Variants in FTO observed in about 807,000 individuals in gnomAD.
The protein encoded by FTO is FTO alpha-ketoglutarate dependent dioxygenase, also known as alpha-ketoglutarate-dependent dioxygenase FTO.
FTO carries 47 observed loss-of-function variants against 63.9 expected under a neutral mutation model. The observed-to-expected ratio is 0.74, with a 90% CI of 0.58 to 0.94. The LOEUF is 0.94. Among genes scored for constraint, FTO ranks in the 40% least tolerant of loss-of-function variants. The pLI is 0.00. For synonymous variants in FTO, 207 were observed against 224.4 expected (o/e 0.92, Z 0.69); for missense variants, 562 against 618.1 (o/e 0.91, Z 0.96).
At chr16:53,805,418 T>C (rs560439863) in intron 1 of FTO, among the ~76,000 whole-genome samples, 16 of 151,614 alleles carry the variant, frequency 1.1e-4, no homozygotes, top group African/African-American at 3.4e-4. Flanking sequence ...TATCTAACTT[T>C]AAACCCTTAT....
At chr16:53,782,708 T>C (rs2077619436) in intron 1 of FTO, among the ~76,000 whole-genome samples, 1 of 152,250 alleles carries the variant, frequency 6.6e-6, no homozygotes, top group Non-Finnish European at 1.5e-5. Context: ...CTTCAGCTCC[T>C]CAGAAGCCAG....
At chr16:54,010,595 G>C (rs2084312163) in intron 8 of FTO, among the ~76,000 whole-genome samples, 1 of 151,804 alleles carries the variant, frequency 6.6e-6, no homozygotes, top group South Asian at 2.1e-4. Flanking sequence ...CAGTCCTATT[G>C]ACATCAACGT....
chr16:53,799,161 G>C (rs1335447713), intron 1 of FTO, among the ~76,000 whole-genome samples: 1 of 152,106 alleles, frequency 6.6e-6, no homozygotes, highest in East Asian at 1.9e-4. Context: ...TTATATGCAT[G>C]AGGGATATTG....
At chr16:53,741,153 A>G (rs113790635) in intron 1 of FTO, among the ~76,000 whole-genome samples, 1,685 of 152,352 alleles carry the variant, frequency 0.011, 29 homozygotes, top group East Asian at 0.04. Flanking sequence ...TTTACATATT[A>G]TCTAGACTGC....
intron 1 of FTO, among the ~76,000 whole-genome samples, chr16:53,747,316 G>T (rs2076673011): frequency 6.6e-6 from 1 of 152,136 alleles, no homozygotes; most frequent in Non-Finnish European, 1.5e-5. Context: ...CCAACAGATT[G>T]CAGGGGTTCC....
At chr16:54,085,268 T>A (rs1184198007) in intron 8 of FTO, among the ~76,000 whole-genome samples, 1 of 152,198 alleles carries the variant, frequency 6.6e-6, no homozygotes, top group African/African-American at 2.4e-5. Flanking sequence ...CCAATTATTC[T>A]TTTGGCTGTG....
At chr16:53,848,893 T>C (rs1283370598) in intron 4 of FTO, among the ~76,000 whole-genome samples, 1 of 152,186 alleles carries the variant, frequency 6.6e-6, no homozygotes, top group East Asian at 1.9e-4. Context: ...ATTCTTTACA[T>C]GTCACCATTC....
chr16:53,740,246 A>G (rs1027903551), intron 1 of FTO, among the ~76,000 whole-genome samples: 7 of 152,146 alleles, frequency 4.6e-5, no homozygotes, highest in Non-Finnish European at 8.8e-5. Context: ...AAAGCTGAAT[A>G]TTACATGTGT....
intron 7 of FTO, among the ~76,000 whole-genome samples, chr16:53,926,172 C>T (rs954459229): frequency 2.0e-5 from 3 of 152,164 alleles, no homozygotes; most frequent in Non-Finnish European, 2.9e-5. Flanking sequence ...CACGTCCATC[C>T]AAATGAGTAT....
In FTO at chr16:54,002,786, T is replaced by C. The variant is rs138444452; in HGVS notation, c.1364+68677T>C. 6.4e-3 allele frequency among the ~76,000 whole-genome samples: 981 copies of C among 152,288 alleles called. 15 individuals are homozygous for C. The highest frequency in any genetic ancestry group is 0.022 in the African/African-American group (907 of 41,564). Reference sequence around the variant, plus strand: ...AAGTGTTGATGAGGATAGAGAAAAATTGGAGCCCTCATACATTACTAGTGA... The same window carrying C: ...AAGTGTTGATGAGGATAGAGAAAAACTGGAGCCCTCATACATTACTAGTGA... On this transcript the variant is annotated intron_variant, in intron 8 of 8. Transcript: ENST00000471389.
intron 2 of FTO, among the ~76,000 whole-genome samples, chr16:53,824,579 G>T (rs928569591): frequency 2.6e-5 from 4 of 152,068 alleles, no homozygotes; most frequent in African/African-American, 9.7e-5. Context: ...GTTTCCATCT[G>T]GTGGTAGGTG....
chr16:53,770,485 A>T (rs2077309110), intron 1 of FTO, among the ~76,000 whole-genome samples: 1 of 152,180 alleles, frequency 6.6e-6, no homozygotes, highest in South Asian at 2.1e-4. Flanking sequence ...GTTTATTTTG[A>T]TGTTGAGTGA....
chr16:53,871,574 T>C (rs2080494437), intron 4 of FTO, among the ~76,000 whole-genome samples: 1 of 152,220 alleles, frequency 6.6e-6, no homozygotes, highest in Admixed American at 6.5e-5. Flanking sequence ...ATATTTTGTG[T>C]GTGTGTATGT....
At chr16:53,957,777 C>T (rs183491733) in intron 8 of FTO, among the ~76,000 whole-genome samples, 292 of 152,332 alleles carry the variant, frequency 1.9e-3, no homozygotes, top group African/African-American at 6.8e-3. Context: ...AAATGATCAT[C>T]AAGACATGGA....
At position 53,888,849 on chromosome 16, in the gene FTO, G is replaced by A. The variant is rs758394753; in HGVS notation, c.1137G>A (p.Leu379=). 3.1e-6 allele frequency: 5 copies of A among 1,613,950 alleles called. No homozygotes were observed. Among genetic ancestry groups the A allele is most frequent in the South Asian group, 1.1e-5 (1 of 91,078 alleles). ...EIHNEVEFEW[L]RQFWFQGNRY... ...GTCCACAGGTCGAGTTTGAGTGGCT[G>A]AGGCAGTTTTGGTTTCAAGGCAATC... The change falls in exon 7 of 9, where the codon CTG becomes CTA. Residue 379 remains leucine (L), a synonymous_variant. Coordinates refer to ENST00000471389, the MANE Select transcript of FTO (RefSeq NM_001080432.3).
chr16:54,096,837 G>A (rs531398475), intron 8 of FTO, among the ~76,000 whole-genome samples: 4 of 152,258 alleles, frequency 2.6e-5, no homozygotes, highest in African/African-American at 9.6e-5. Context: ...CCCAAAGGCC[G>A]ACCTTCAGAT....
chr16:54,113,262 G>C lies in FTO; in HGVS notation c.*1347G>C, dbSNP rs1217361891. ...TCTGACCTGGCTCCTGCCCATTGGT[G>C]TCCCAAGAAATCGTGAGAATAGTTA... On this transcript the variant is annotated 3_prime_UTR_variant, in exon 9 of 9. Coordinates refer to ENST00000471389, the MANE Select transcript of FTO (RefSeq NM_001080432.3). 1 of 146,620 alleles carries C rather than the reference G, an allele frequency of 6.8e-6. No homozygotes were observed. The highest frequency in any genetic ancestry group is 2.5e-5 in the African/African-American group (1 of 39,362). The allele number at this position is 146,620 out of a possible 1,614,324, so 9.1% of individuals were successfully genotyped here.
At position 54,030,862 on chromosome 16, in the gene FTO, A is replaced by G. The variant is rs1023921874; in HGVS notation, c.1365-80900A>G. 6.6e-5 allele frequency among the ~76,000 whole-genome samples: 10 copies of G among 152,326 alleles called. No individual in the cohort carries two copies. The East Asian group carries it at 1.9e-3, about 29-fold the overall frequency. On this transcript the variant is annotated intron_variant, in intron 8 of 8. Coordinates refer to ENST00000471389, the MANE Select transcript of FTO (RefSeq NM_001080432.3). Reference sequence around the variant, plus strand: ...ACATGATTGTCAAATGCATTTACAGATTCCCTTTAGAACAAAAACTGTTCT... The same window carrying G: ...ACATGATTGTCAAATGCATTTACAGGTTCCCTTTAGAACAAAAACTGTTCT...
chr16:53,730,849 T>A (rs2076255597), intron 1 of FTO, among the ~76,000 whole-genome samples: 2 of 152,208 alleles, frequency 1.3e-5, no homozygotes, highest in South Asian at 4.1e-4. Flanking sequence ...ATGAATAGAA[T>A]AATTTATTTA....
Sources: allele counts gnomAD v4.1 joint callset (sites outside exome capture counted in the v4.1 genomes callset), GRCh38; gene constraint gnomAD v4.1.1; transcripts MANE v1.5; gene names NCBI Gene and HGNC (gene_info 2026-07-23, HGNC 2026-07-21).